Variants in ALOX15B observed in about 807,000 individuals in gnomAD.
ALOX15B encodes polyunsaturated fatty acid lipoxygenase ALOX15B.
A neutral mutation model predicts 73.8 loss-of-function variants in ALOX15B; 74 were observed. The observed-to-expected ratio is 1.00, with a 90% confidence interval of 0.83 to 1.22. The LOEUF (loss-of-function observed/expected upper bound fraction) is 1.22. ALOX15B is among the 50% of genes most tolerant of loss of function. ALOX15B has a pLI of 0.00. For missense variants in ALOX15B, 896 were observed against 859.9 expected (o/e 1.04, Z -0.52); for synonymous variants, 353 against 357.2 (o/e 0.99, Z 0.13).
chr17:8,047,311 A>C lies in ALOX15B; in HGVS notation c.1511A>C (p.Asp504Ala). Residue 504 changes from aspartate (D) to alanine (A), a missense_variant, in exon 11 of 14, where the codon GAT becomes GCT. Coordinates refer to ENST00000380183, the MANE Select transcript of ALOX15B (RefSeq NM_001141.3). The stretch of plus-strand genomic sequence containing the variant: ...TACCCAAGTGATGAGTCTGTCCAAG[A>C]TGACAGAGAGCTCCAGGCCTGGGTC... ...IYYPSDESVQ[D>A]DRELQAWVRE... The C allele has an allele frequency of 6.2e-7, 1 of 1,614,088 alleles. No individual in the cohort carries two copies. Among genetic ancestry groups the C allele is most frequent in the African/African-American group, 1.3e-5 (1 of 75,012 alleles).
intron 4 of ALOX15B, 84 bp from the exon 5 acceptor site, chr17:8,042,697 A>T: frequency 7.2e-7 from 1 of 1,398,588 alleles, no homozygotes; most frequent in Non-Finnish European, 9.8e-7. Context: ...CTGGTTCAGG[A>T]TCCCAAGAGG....
rs776074301 is a variant in ALOX15B, at chr17:8,047,096, G to A, written c.1457+20G>A. 3 of 1,613,052 alleles carry A rather than the reference G, an allele frequency of 1.9e-6. No individual in the cohort carries two copies. Among genetic ancestry groups the A allele is most frequent in the Non-Finnish European group, 2.5e-6 (3 of 1,179,928 alleles). On this transcript the variant is annotated intron_variant, in intron 10 of 13. Transcript: ENST00000380183. ...GGAACGGTGAGGGGCCGTCCCTGGA[G>A]AGCCGAGGGCTGGTCGGGGACGTGG...
rs202018712 is a variant in ALOX15B at position 8,039,111 on chromosome 17, T to C, written c.-45T>C. On this transcript the variant is annotated 5_prime_UTR_variant, in exon 1 of 14. Coordinates refer to ENST00000380183, the MANE Select transcript of ALOX15B (RefSeq NM_001141.3). ...GGCGTGTCCCAGGGGGGAGCCCCGCTCTGCAGCCCTGTGCGCCGTAGAGAG... is the reference window on the plus strand; with the variant it reads ...GGCGTGTCCCAGGGGGGAGCCCCGCCCTGCAGCCCTGTGCGCCGTAGAGAG... The C allele has an allele frequency of 4.4e-6, 7 of 1,587,268 alleles. No individual in the cohort carries two copies. In the Admixed American group the frequency reaches 7.3e-5, roughly 16 times the overall value.
In ALOX15B at chr17:8,045,009, G is replaced by T. The variant is rs776057927; in HGVS notation, c.849+8G>T. ...TTGCAGGCTGAGCTAGAGGTGAGGG[G>T]TGCAGGGATCTTGGCTCTGCACAGT... On this transcript the variant is annotated splice_region_variant and intron_variant, in intron 6 of 13. Coordinates refer to ENST00000380183, the MANE Select transcript of ALOX15B (RefSeq NM_001141.3). 2.5e-6 allele frequency: 4 copies of T among 1,613,952 alleles called. No individual in the cohort carries two copies. The East Asian group carries it at 6.7e-5, about 27-fold the overall frequency.
In ALOX15B at chr17:8,039,059, A is replaced by G. The variant is rs1976349623; in HGVS notation, c.-97A>G. On this transcript the variant is annotated 5_prime_UTR_variant, in exon 1 of 14. Coordinates refer to ENST00000380183, the MANE Select transcript of ALOX15B (RefSeq NM_001141.3). ...AGAGGAGTCCACTGGGCTTGGAGTC[A>G]GTGGCAATAACCAGGGGCAATAACC... 8 of 1,479,794 alleles carry G rather than the reference A, an allele frequency of 5.4e-6. No homozygotes were observed. In the East Asian group the frequency reaches 9.9e-5, roughly 18 times the overall value. The allele number at this position is 1,479,794 out of a possible 1,614,324, so 91.7% of individuals were successfully genotyped here.
chr17:8,039,739 T>C (rs1803110541), intron 2 of ALOX15B, 134 bp downstream of exon 2: 4 of 1,166,652 alleles, frequency 3.4e-6, no homozygotes, highest in East Asian at 2.6e-5. Context: ...GGAGAGGGAA[T>C]GGCGGAGCCT....
At chr17:8,041,532 C>G (rs1644436210) in intron 3 of ALOX15B, among the ~76,000 whole-genome samples, 1 of 152,170 alleles carries the variant, frequency 6.6e-6, no homozygotes, top group South Asian at 2.1e-4. Context: ...GGATTCAAGT[C>G]TGAGAGGAAG....
Position 8,048,484 on chromosome 17 carries a change from C to G in ALOX15B, c.1950C>G (p.Gly650=), listed in dbSNP as rs1328770769. The change falls in exon 14 of 14, where the codon GGC becomes GGG. Residue 650 remains glycine, a synonymous_variant. Coordinates refer to ENST00000380183, the MANE Select transcript of ALOX15B (RefSeq NM_001141.3). The part of the protein sequence containing the change: ...FQSRLAQISR[G]IQERNQGLVL... Reference sequence around the variant, plus strand: ...GCCGCCTGGCCCAGATCTCGAGGGGCATCCAGGAGCGGAACCAGGGCCTGG... The same window carrying G: ...GCCGCCTGGCCCAGATCTCGAGGGGGATCCAGGAGCGGAACCAGGGCCTGG... The G allele has an allele frequency of 8.7e-6, 14 of 1,614,016 alleles. No individual in the cohort carries two copies. The highest frequency in any genetic ancestry group is 1.2e-5 in the Non-Finnish European group (14 of 1,180,032).
chr17:8,046,181 A>T (rs1423040021), intron 8 of ALOX15B, among the ~76,000 whole-genome samples: 1 of 152,182 alleles, frequency 6.6e-6, no homozygotes, highest in African/African-American at 2.4e-5. Flanking sequence ...CGCTGCTCAG[A>T]TTCTCTGATC....
chr17:8,047,547 C>G lies in ALOX15B; in HGVS notation c.1580-17C>G. The G allele has an allele frequency of 1.3e-6, 2 of 1,586,054 alleles. No individual in the cohort carries two copies. Among genetic ancestry groups the G allele is most frequent in the Non-Finnish European group, 1.7e-6 (2 of 1,165,502 alleles). On this transcript the variant is annotated splice_polypyrimidine_tract_variant and intron_variant, in intron 11 of 13. Transcript: ENST00000380183. ...CAGGTCCCTGGAAGCCCCATCCCAG[C>G]CCAGCTCTCCTTGCAGGTATACCCT...
chr17:8,041,531 T>G (rs925926768), intron 3 of ALOX15B, among the ~76,000 whole-genome samples: 1 of 152,196 alleles, frequency 6.6e-6, no homozygotes, highest in Admixed American at 6.5e-5. Context: ...GGGATTCAAG[T>G]CTGAGAGGAA....
chr17:8,040,665 A>G (rs1012981462), intron 3 of ALOX15B, among the ~76,000 whole-genome samples: 4 of 151,970 alleles, frequency 2.6e-5, no homozygotes, highest in Admixed American at 2.0e-4. Flanking sequence ...AGAAAGAGAA[A>G]GAAACTGCTT....
In ALOX15B at chr17:8,039,891, T is replaced by G. The variant is rs2151811037; in HGVS notation, c.368-11T>G. On this transcript the variant is annotated splice_polypyrimidine_tract_variant and intron_variant, in intron 2 of 13. Transcript: ENST00000380183. The stretch of plus-strand genomic sequence containing the variant: ...CTCTCCCCACCCCAACCTACTCCCC[T>G]TCTCCCACAGCCAAGGTGTCCTGGG... 1 of 1,608,936 alleles carries G rather than the reference T, an allele frequency of 6.2e-7. No homozygotes were observed. Among genetic ancestry groups the G allele is most frequent in the Non-Finnish European group, 8.5e-7 (1 of 1,177,070 alleles).
intron 13 of ALOX15B, 23 bp from the exon 14 acceptor site, chr17:8,048,363 C>T: frequency 1.9e-6 from 3 of 1,600,130 alleles, no homozygotes; most frequent in Non-Finnish European, 2.6e-6. Context: ...GCCGCCTCAC[C>T]CAACCTTGTG....
At chr17:8,045,185 C>T in intron 6 of ALOX15B, 53 bp from the exon 7 acceptor site, 1 of 1,612,330 alleles carries the variant, frequency 6.2e-7, no homozygotes. Flanking sequence ...TACAACTGCA[C>T]CCCCTTCATT....
In ALOX15B at chr17:8,039,929, C is replaced by G. The variant is rs1463970636; in HGVS notation, c.395C>G (p.Pro132Arg). Residue 132 changes from proline (P) to arginine (R), a missense_variant, in exon 3 of 14, where the codon CCT (proline) becomes CGT (arginine). Coordinates refer to ENST00000380183, the MANE Select transcript of ALOX15B (RefSeq NM_001141.3). The stretch of plus-strand genomic sequence containing the variant: ...AAGGTGTCCTGGGCAGACCACCACC[C>G]TGTGCTCCAGCAACAGCGCCAGGAG... ...TAKVSWADHH[P>R]VLQQQRQEEL... is the part of the protein sequence containing the mutation. The G allele has an allele frequency of 3.1e-6, 5 of 1,613,690 alleles. No homozygotes were observed. Among genetic ancestry groups the G allele is most frequent in the Non-Finnish European group, 3.4e-6 (4 of 1,179,840 alleles).
chr17:8,045,450 T>C lies in ALOX15B; in HGVS notation c.997-33T>C, dbSNP rs377582867. On this transcript the variant is annotated intron_variant, in intron 7 of 13. Transcript: ENST00000380183. Reference sequence around the variant, plus strand: ...CAGGAGAATGGTTGGAAGACACTCATGGCTGCCTCTCTCCCCACCTGCCTC... The same window carrying C: ...CAGGAGAATGGTTGGAAGACACTCACGGCTGCCTCTCTCCCCACCTGCCTC... 41 of 1,613,774 alleles carry C rather than the reference T, an allele frequency of 2.5e-5. 2 individuals carry two copies. The highest frequency in any genetic ancestry group is 8.9e-5 in the East Asian group (4 of 44,872).
At chr17:8,044,649 T>C (rs1017315150) in intron 5 of ALOX15B, among the ~76,000 whole-genome samples, 180 bp from the exon 6 acceptor site, 2 of 151,906 alleles carry the variant, frequency 1.3e-5, no homozygotes, top group African/African-American at 2.4e-5. Context: ...GGACTATGAT[T>C]TGCTGCTGGG....
At chr17:8,040,714 G>C (rs1314481233) in intron 3 of ALOX15B, among the ~76,000 whole-genome samples, 2 of 151,720 alleles carry the variant, frequency 1.3e-5, no homozygotes, top group African/African-American at 4.9e-5. Context: ...CTTGCCCTGG[G>C]ACTTTTTCAT....
Sources: gnomAD v4.1 joint callset for allele counts (sites outside exome capture counted in the v4.1 genomes callset) on GRCh38, gnomAD v4.1.1 for gene constraint, MANE v1.5 for transcripts, NCBI Gene and HGNC (gene_info 2026-07-23, HGNC 2026-07-21) for gene names.